Variants in ZCCHC24 observed in about 807,000 individuals in gnomAD.
ZCCHC24 encodes zinc finger CCHC-type containing 24, also known as zinc finger CCHC domain-containing protein 24.
In ZCCHC24, 10 loss-of-function variants were observed where a neutral mutation model predicts 26.2. The observed-to-expected ratio is 0.38, with a 90% confidence interval of 0.24 to 0.65. ZCCHC24 has a LOEUF of 0.65. Among genes scored for constraint, ZCCHC24 ranks in the 30% least tolerant of loss-of-function variants. ZCCHC24 has a pLI of 0.54. For synonymous variants in ZCCHC24, 144 were observed against 147.1 expected (o/e 0.98, Z 0.15); for missense variants, 243 against 329.1 (o/e 0.74, Z 2.03).
intron 3 of ZCCHC24, among the ~76,000 whole-genome samples, chr10:79,390,174 A>G (rs1856459979): frequency 6.6e-6 from 1 of 152,132 alleles, no homozygotes; most frequent in Admixed American, 6.6e-5. Context: ...CCCAGCTGCG[A>G]TGATTGTCTT....
intron 3 of ZCCHC24, among the ~76,000 whole-genome samples, chr10:79,389,639 G>C (rs1458456633): frequency 6.6e-6 from 1 of 151,862 alleles, no homozygotes; most frequent in Non-Finnish European, 1.5e-5. Flanking sequence ...TTTTCAGACA[G>C]AGTCTCATTT....
chr10:79,426,636 T>C lies in ZCCHC24; in HGVS notation c.447+5922A>G, dbSNP rs552776194. ...TGAGGCATTCTGGTAAGACACAATG[T>C]ATAAGATAAGCCCTAGAGCAACCCT... On this transcript the variant is annotated intron_variant, in intron 2 of 3. Transcript: ENST00000372336. Among the ~76,000 whole-genome samples, 9 of 152,244 alleles carry C rather than the reference T, an allele frequency of 5.9e-5. No individual in the cohort carries two copies. The East Asian group carries it at 1.7e-3, about 29-fold the overall frequency.
At chr10:79,390,526 C>T (rs956094653) in intron 3 of ZCCHC24, among the ~76,000 whole-genome samples, 5 of 152,184 alleles carry the variant, frequency 3.3e-5, no homozygotes, top group Admixed American at 6.5e-5. Context: ...CTCATCTGAG[C>T]TGTGCCCCCT....
At chr10:79,389,365 T>C (rs574621351) in intron 3 of ZCCHC24, among the ~76,000 whole-genome samples, 5 of 152,290 alleles carry the variant, frequency 3.3e-5, no homozygotes, top group South Asian at 4.2e-4. Flanking sequence ...CTGCAACGTC[T>C]CCATATGACA....
Position 79,386,139 on chromosome 10 carries a change from T to C in ZCCHC24, c.*206A>G. On this transcript the variant is annotated 3_prime_UTR_variant, in exon 4 of 4. Transcript: ENST00000372336. ...TGCAAAAAGCCCCAGACTCCCTGCT[T>C]TCCCTGGCCTGTGGGGGGCAGCAAT... 1 of 603,044 alleles carries C rather than the reference T, an allele frequency of 1.7e-6. No individual in the cohort carries two copies. The highest frequency in any genetic ancestry group is 3.1e-6 in the Non-Finnish European group (1 of 327,006). 37.4% of individuals were successfully genotyped at this position (603,044 alleles called of 1,614,324 possible).
In ZCCHC24 at chr10:79,386,436, C is replaced by A. The variant is rs745523487; in HGVS notation, c.635G>T (p.Gly212Val). The A allele has an allele frequency of 1.2e-6, 2 of 1,602,488 alleles. No homozygotes were observed. Among genetic ancestry groups the A allele is most frequent in the Admixed American group, 1.7e-5 (1 of 59,742 alleles). Residue 212 changes from glycine to valine, a missense_variant, in exon 4 of 4, where the codon GGC (glycine) becomes GTC (valine). Around this residue, in one of 2 missense-constraint regions of ZCCHC24, gnomAD observed 96 missense variants for 178.3 expected, o/e 0.54. Coordinates refer to ENST00000372336, the MANE Select transcript of ZCCHC24 (RefSeq NM_153367.4). ...HKQRPLEKPD[G>V]LDVSDQSKEH... is the part of the protein sequence containing the mutation. Reference sequence around the variant, plus strand: ...CTTGCTCTGGTCGGACACGTCCAGGCCGTCGGGCTTCTCCAGGGGTCTCTG... The same window carrying A: ...CTTGCTCTGGTCGGACACGTCCAGGACGTCGGGCTTCTCCAGGGGTCTCTG...
chr10:79,445,250 C>T lies in ZCCHC24; in HGVS notation c.191G>A (p.Gly64Asp). Residue 64 changes from glycine to aspartate, a missense_variant, in exon 1 of 4, where the codon GGC becomes GAC. Physicochemically the swap from Gly to Asp is moderately conservative, Grantham distance 94. This residue lies in a region of ZCCHC24 where 147 missense variants were observed against 150.8 expected (regional missense o/e 0.97). Transcript: ENST00000372336. Reference sequence around the variant, plus strand: ...GAGATAGCTGGAGTGCAGGGGCGAGCCCAGCTGCTCGGGGCGGCCCTTGCC... The same window carrying T: ...GAGATAGCTGGAGTGCAGGGGCGAGTCCAGCTGCTCGGGGCGGCCCTTGCC... ...AFGKGRPEQL[G>D]SPLHSSYLNS... 5 of 1,407,568 alleles carry T rather than the reference C, an allele frequency of 3.6e-6. No homozygotes were observed. The highest frequency in any genetic ancestry group is 4.6e-6 in the Non-Finnish European group (5 of 1,075,664). 87.2% of individuals were successfully genotyped at this position (1,407,568 alleles called of 1,614,324 possible).
intron 2 of ZCCHC24, 93 bp downstream of exon 2, chr10:79,432,465 T>C (rs1857144998): frequency 7.4e-7 from 1 of 1,352,086 alleles, no homozygotes; most frequent in East Asian, 2.6e-5. Flanking sequence ...GAAGGGGCCC[T>C]GGGGACACTG....
intron 2 of ZCCHC24, among the ~76,000 whole-genome samples, chr10:79,425,028 C>G (rs528869417): frequency 4.6e-5 from 7 of 152,226 alleles, no homozygotes; most frequent in Admixed American, 1.3e-4. Flanking sequence ...ACAAGAAACT[C>G]TCAGGAATGG....
chr10:79,422,077 A>C (rs1056441606), intron 2 of ZCCHC24, among the ~76,000 whole-genome samples: 1 of 151,972 alleles, frequency 6.6e-6, no homozygotes, highest in African/African-American at 2.4e-5. Flanking sequence ...GCTCCCTAAC[A>C]TGTGAGGTGG....
chr10:79,398,834 G>C (rs921991700), intron 2 of ZCCHC24, among the ~76,000 whole-genome samples: 1 of 152,118 alleles, frequency 6.6e-6, no homozygotes, highest in African/African-American at 2.4e-5. Flanking sequence ...AATCCTGTGG[G>C]GCAGGGGACA....
intron 2 of ZCCHC24, among the ~76,000 whole-genome samples, chr10:79,409,700 G>A (rs562335776): frequency 6.6e-6 from 1 of 152,350 alleles, no homozygotes; most frequent in South Asian, 2.1e-4. Flanking sequence ...GCTGTTCCTG[G>A]TCCTCAGTGT....
At chr10:79,418,771 C>T (rs928357700) in intron 2 of ZCCHC24, among the ~76,000 whole-genome samples, 1 of 152,178 alleles carries the variant, frequency 6.6e-6, no homozygotes, top group African/African-American at 2.4e-5. Flanking sequence ...AGATGAGAAA[C>T]CTGGTTGAGA....
In ZCCHC24 at chr10:79,383,890, C is replaced by T. The variant is rs1403649516; in HGVS notation, c.*2455G>A. On this transcript the variant is annotated 3_prime_UTR_variant, in exon 4 of 4. Coordinates refer to ENST00000372336, the MANE Select transcript of ZCCHC24 (RefSeq NM_153367.4). The stretch of plus-strand genomic sequence containing the variant: ...CTTCATATGGGGTAAACACCATTAT[C>T]TCCCAACTAGATCGCTAGATCTACC... 6.5e-6 allele frequency: 1 copy of T among 152,708 alleles called. No individual in the cohort carries two copies. The highest frequency in any genetic ancestry group is 1.5e-5 in the Non-Finnish European group (1 of 68,034). The allele number at this position is 152,708 out of a possible 1,614,324, so 9.5% of individuals were successfully genotyped here. A position where few individuals can be genotyped will look rare whatever the true frequency, so the allele number is the denominator to read the frequency against.
chr10:79,390,600 G>C (rs574745777), intron 3 of ZCCHC24, among the ~76,000 whole-genome samples: 48 of 152,328 alleles, frequency 3.2e-4, no homozygotes, highest in African/African-American at 1.1e-3. Context: ...CGACTGCTCA[G>C]CCCTGCTTGG....
intron 2 of ZCCHC24, among the ~76,000 whole-genome samples, chr10:79,428,524 C>T (rs1857078640): frequency 1.3e-5 from 2 of 151,744 alleles, no homozygotes; most frequent in African/African-American, 2.4e-5. Context: ...TGGTGATGGT[C>T]ATACAACGAT....
chr10:79,444,071 C>A, intron 1 of ZCCHC24: 1 of 1,533,880 alleles, frequency 6.5e-7, no homozygotes, highest in Non-Finnish European at 8.8e-7. Context: ...CTCCCCAACC[C>A]ATTCAGGACT....
At chr10:79,438,251 C>T (rs1435428861) in intron 1 of ZCCHC24, among the ~76,000 whole-genome samples, 2 of 152,200 alleles carry the variant, frequency 1.3e-5, no homozygotes, top group Non-Finnish European at 2.9e-5. Flanking sequence ...CACCCACACT[C>T]CTCTGTTTGG....
chr10:79,430,819 TC>T (rs1308996282), intron 2 of ZCCHC24, among the ~76,000 whole-genome samples: 1 of 152,022 alleles, frequency 6.6e-6, no homozygotes, highest in African/African-American at 2.4e-5. Context: ...CTGGTAGCAT[TC>T]CCAGGCTACC....
Sources: allele counts gnomAD v4.1 joint callset (sites outside exome capture counted in the v4.1 genomes callset), GRCh38; gene constraint gnomAD v4.1.1; regional missense constraint gnomAD v4.1.1; transcripts MANE v1.5; gene names NCBI Gene and HGNC (gene_info 2026-07-23, HGNC 2026-07-21).